MYOM2: variants seen among roughly 807,000 people sequenced by gnomAD.
MYOM2 encodes myomesin-2.
A neutral mutation model predicts 187.6 loss-of-function variants in MYOM2; 254 were observed. The observed-to-expected ratio is 1.35, with a 90% CI of 1.22 to 1.50. MYOM2 has a LOEUF of 1.50. MYOM2 is among the 40% of genes most tolerant of loss of function. MYOM2 has a pLI of 0.00. For missense variants in MYOM2, 2,796 were observed against 1,924.0 expected (o/e 1.45, Z -8.48); for synonymous variants, 981 against 753.8 (o/e 1.30, Z -4.94).
At chr8:2,115,505 A>G (rs1467110544) in intron 25 of MYOM2, among the ~76,000 whole-genome samples, 1 of 152,242 alleles carries the variant, frequency 6.6e-6, no homozygotes, top group Non-Finnish European at 1.5e-5. Context: ...CTGATGGACC[A>G]CAGCAGGCTG....
At chr8:2,101,486 A>T (rs904089619) in intron 20 of MYOM2, among the ~76,000 whole-genome samples, 19 of 152,342 alleles carry the variant, frequency 1.2e-4, no homozygotes, top group African/African-American at 4.6e-4. Flanking sequence ...CCCGAGGTGA[A>T]CCTGTTCAGA....
intron 30 of MYOM2, among the ~76,000 whole-genome samples, chr8:2,123,862 T>C (rs1401173273): frequency 6.6e-6 from 1 of 152,240 alleles, no homozygotes; most frequent in Non-Finnish European, 1.5e-5. Flanking sequence ...ATATGAAACG[T>C]CATTTCGGTC....
intron 6 of MYOM2, among the ~76,000 whole-genome samples, chr8:2,066,303 A>T (rs1477791195): frequency 6.6e-6 from 1 of 152,132 alleles, no homozygotes; most frequent in Non-Finnish European, 1.5e-5. Context: ...CGTTCACAGG[A>T]CAGGCTCCAG....
chr8:2,092,262 C>G, intron 15 of MYOM2, 84 bp from the exon 16 acceptor site: 1 of 1,492,110 alleles, frequency 6.7e-7, no homozygotes, highest in Non-Finnish European at 9.2e-7. Flanking sequence ...TGTCCAGTTC[C>G]CTGTGAAAAG....
At chr8:2,052,608 G>A (rs1004406828) in intron 3 of MYOM2, among the ~76,000 whole-genome samples, 2 of 152,180 alleles carry the variant, frequency 1.3e-5, no homozygotes, top group African/African-American at 2.4e-5. Context: ...CATGTCTCAC[G>A]CATGTCCCAG....
rs139740725 is a variant in MYOM2 at position 2,123,569 on chromosome 8, C to G, written c.3582C>G (p.Asp1194Glu). 24 of 1,613,948 alleles carry G rather than the reference C, an allele frequency of 1.5e-5. No individual in the cohort carries two copies. Among genetic ancestry groups the G allele is most frequent in the Non-Finnish European group, 2.0e-5 (24 of 1,179,866 alleles). ...TTTCTTTGTAGTTGTCAAAGAAGGA[C>G]CACGGTGAATACAAGGCAACCTTGA... ...ELLIPKLSKK[D>E]HGEYKATLKD... Residue 1194 changes from aspartate to glutamate, a missense_variant, in exon 30 of 37, where the codon GAC becomes GAG. Transcript: ENST00000262113.
chr8:2,078,904 T>C lies in MYOM2; in HGVS notation c.1433T>C (p.Leu478Pro). ...PSRVSDAVAA[L>P]DPLDLRRLQA... The stretch of plus-strand genomic sequence containing the variant: ...AGGGTCTCTGATGCGGTGGCTGCAC[T>C]TGACCCCTTGGACCTCAGAAGGTTA... Residue 478 changes from leucine to proline, a missense_variant, in exon 12 of 37, where the codon CTT becomes CCT. Leu to Pro is a moderately conservative substitution (Grantham distance 98, BLOSUM62 -3). Transcript: ENST00000262113. 1 of 1,613,974 alleles carries C rather than the reference T, an allele frequency of 6.2e-7. No homozygotes were observed.
intron 31 of MYOM2, among the ~76,000 whole-genome samples, chr8:2,127,301 GC>G (rs1474070362): frequency 5.3e-5 from 8 of 152,072 alleles, no homozygotes; most frequent in African/African-American, 1.7e-4. Flanking sequence ...AGGGATCTCT[GC>G]CTTACAGATT....
chr8:2,115,101 C>G (rs1236689645), intron 25 of MYOM2, among the ~76,000 whole-genome samples: 1 of 150,784 alleles, frequency 6.6e-6, no homozygotes, highest in Non-Finnish European at 1.5e-5. Context: ...TAATTTATAA[C>G]TTTAATAATT....
rs200321840 is a variant in MYOM2, at chr8:2,069,349, C to T, written c.725C>T (p.Ala242Val). Residue 242 changes from alanine (A) to valine (V), a missense_variant, in exon 7 of 37, where the codon GCG (alanine) becomes GTG (valine). Physicochemically the swap from Ala to Val is moderately conservative, Grantham distance 64. Transcript: ENST00000262113. ...GCCCACGGACAAGTGTCCACCAACG[C>T]GGCGGTGGTGGTGAGAAGTGAGTGC... ...TNAHGQVSTN[A>V]AVVVRRFRGD... The T allele has an allele frequency of 9.7e-5, 156 of 1,613,846 alleles. 1 individual carries two copies. Among genetic ancestry groups the T allele is most frequent in the Middle Eastern group, 3.3e-4 (2 of 6,000 alleles).
At position 2,073,420 on chromosome 8, in the gene MYOM2, A is replaced by G. The variant is rs921445079; in HGVS notation, c.1040A>G (p.Lys347Arg). 3 of 1,613,010 alleles carry G rather than the reference A, an allele frequency of 1.9e-6. No individual in the cohort carries two copies. Among genetic ancestry groups the G allele is most frequent in the Non-Finnish European group, 2.5e-6 (3 of 1,179,810 alleles). ...TCCCTGTCCTTCAGCCACCTGCACA[A>G]GGACGACGAGGGCCTGTACACCCTG... ...QASLSFSHLH[K>R]DDEGLYTLRI... Residue 347 changes from lysine (K) to arginine (R), a missense_variant, in exon 10 of 37, where the codon AAG (lysine) becomes AGG (arginine). Physicochemically the swap from Lys to Arg is conservative, Grantham distance 26. Transcript: ENST00000262113.
chr8:2,126,328 G>T (rs1797633073), intron 31 of MYOM2, among the ~76,000 whole-genome samples: 1 of 151,870 alleles, frequency 6.6e-6, no homozygotes, highest in Non-Finnish European at 1.5e-5. Context: ...TATCAGAATG[G>T]AAGAAGTGGA....
In MYOM2 at chr8:2,108,769, C is replaced by T. The variant is rs144891976; in HGVS notation, c.2999-17C>T. 41 of 1,613,690 alleles carry T rather than the reference C, an allele frequency of 2.5e-5. No individual in the cohort carries two copies. In the African/African-American group the frequency reaches 4.1e-4, roughly 16 times the overall value. On this transcript the variant is annotated splice_polypyrimidine_tract_variant and intron_variant, in intron 23 of 36. Coordinates refer to ENST00000262113, the MANE Select transcript of MYOM2 (RefSeq NM_003970.4). ...GTGCAGGTCCAGATGAATTGAAATA[C>T]TTTTTCTTCGTTTTAGAGCTCGAGC...
At chr8:2,125,604 CTTTT>C (rs35137852) in intron 31 of MYOM2, among the ~76,000 whole-genome samples, 20 of 89,292 alleles carry the variant, frequency 2.2e-4, no homozygotes, top group East Asian at 7.7e-4. Context: ...ATTATTTTTC[CTTTT>C]TTTTTTTTTT....
At chr8:2,127,121 G>A (rs1797675422) in intron 31 of MYOM2, among the ~76,000 whole-genome samples, 1 of 151,876 alleles carries the variant, frequency 6.6e-6, no homozygotes, top group Admixed American at 6.6e-5. Context: ...CAGTGTCAGG[G>A]AATTTGAGCA....
rs1227732869 is a variant in MYOM2, at chr8:2,052,251, C to G, written c.201C>G (p.Ile67Met). 6.2e-7 allele frequency: 1 copy of G among 1,613,156 alleles called. No homozygotes were observed. The highest frequency in any genetic ancestry group is 2.2e-5 in the East Asian group (1 of 44,844). ...ASSQTSLGGT[I>M]CRVCAKRVST... ...GCCAGACGTCCCTGGGAGGAACCAT[C>G]TGCAGGGTCTGTGCGAAGCGAGTGA... Residue 67 changes from isoleucine to methionine, a missense_variant, in exon 3 of 37, where the codon ATC (isoleucine) becomes ATG (methionine). Ile to Met is a conservative substitution (Grantham distance 10). Transcript: ENST00000262113.
chr8:2,093,313 T>A (rs533760993), intron 16 of MYOM2, among the ~76,000 whole-genome samples: 1 of 152,328 alleles, frequency 6.6e-6, no homozygotes, highest in South Asian at 2.1e-4. Context: ...TAAAACATGA[T>A]TCCAGTACAG....
At chr8:2,123,718 G>T (rs981232907) in intron 30 of MYOM2, 76 bp downstream of exon 30, 1 of 1,268,234 alleles carries the variant, frequency 7.9e-7, no homozygotes, top group Non-Finnish European at 1.1e-6. Context: ...CTGAAGGCAG[G>T]TCTATGTCTA....
chr8:2,057,508 T>C (rs1477657892), intron 4 of MYOM2, 22 bp downstream of exon 4: 4 of 1,613,574 alleles, frequency 2.5e-6, no homozygotes. Context: ...TCAGGGTGGC[T>C]GGGTGTCTGG....
Sources: gnomAD v4.1 joint callset for allele counts (sites outside exome capture counted in the v4.1 genomes callset) on GRCh38, gnomAD v4.1.1 for gene constraint, MANE v1.5 for transcripts, NCBI Gene and HGNC (gene_info 2026-07-23, HGNC 2026-07-21) for gene names.